Variants in PCNT observed in about 807,000 individuals in gnomAD.
PCNT encodes the protein kendrin.
Under a neutral mutation model 380.4 loss-of-function variants are expected in PCNT, and 319 were observed. The ratio of observed to expected loss-of-function variants is 0.84; its 90% CI spans 0.77 to 0.92. PCNT has a LOEUF of 0.92. Among genes scored for constraint, PCNT ranks in the 40% least tolerant of loss-of-function variants. The pLI, the probability that PCNT is intolerant of heterozygous loss-of-function variation, is 0.00. For missense variants in PCNT, 4,400 were observed against 4,255.3 expected (o/e 1.03, Z -0.95); for synonymous variants, 1,845 against 1,735.2 (o/e 1.06, Z -1.57).
At chr21:46,325,022 G>T in intron 1 of PCNT, 3 of 985,426 alleles carry the variant, frequency 3.0e-6, no homozygotes, top group Non-Finnish European at 3.6e-6. Context: ...GCTGGCGCCG[G>T]GCGCCTTCAA....
chr21:46,403,141 G>C (rs1050652799), intron 27 of PCNT, among the ~76,000 whole-genome samples: 1 of 151,810 alleles, frequency 6.6e-6, no homozygotes, highest in South Asian at 2.1e-4. Flanking sequence ...TGAACACAGC[G>C]TGGGAGAATT....
In PCNT at chr21:46,397,511, A is replaced by G; in HGVS notation, c.4446+17A>G. 1 of 1,601,466 alleles carries G rather than the reference A, an allele frequency of 6.2e-7. No individual in the cohort carries two copies. Among genetic ancestry groups the G allele is most frequent in the South Asian group, 1.1e-5 (1 of 90,856 alleles). On this transcript the variant is annotated intron_variant, in intron 22 of 46. Coordinates refer to ENST00000359568, the MANE Select transcript of PCNT (RefSeq NM_006031.6). ...TTCATGGATGTAAGAATTCTGAATA[A>G]TACATTTTTTTGCATCACTAAAAGT...
At position 46,385,923 on chromosome 21, in the gene PCNT, G is replaced by C. The variant is rs146287555; in HGVS notation, c.3404G>C (p.Arg1135Pro). ...VLQQRREREN[R>P]EGANLLSMLK... ...CAGCAGAGGCGGGAGCGGGAGAACCGGGAAGGCGCAAACCTCCTCTCCATG... is the reference window on the plus strand; with the variant it reads ...CAGCAGAGGCGGGAGCGGGAGAACCCGGAAGGCGCAAACCTCCTCTCCATG... The change falls in exon 17 of 47, where the codon CGG becomes CCG. Residue 1135 changes from arginine to proline, a missense_variant. Transcript: ENST00000359568. 10 of 1,614,180 alleles carry C rather than the reference G, an allele frequency of 6.2e-6. No homozygotes were observed. The highest frequency in any genetic ancestry group is 7.6e-6 in the Non-Finnish European group (9 of 1,180,026).
chr21:46,386,840 C>A (rs796849546), intron 17 of PCNT, among the ~76,000 whole-genome samples: 38 of 152,330 alleles, frequency 2.5e-4, no homozygotes, highest in African/African-American at 8.7e-4. Flanking sequence ...TGTTGCCAAA[C>A]GCAGCCTCCC....
At chr21:46,403,641 A>C (rs371406353) in intron 27 of PCNT, among the ~76,000 whole-genome samples, 3 of 68,100 alleles carry the variant, frequency 4.4e-5, no homozygotes, top group African/African-American at 1.7e-4. Flanking sequence ...CACGTGGCAC[A>C]TGCTCGGTGA....
chr21:46,339,589 G>A (rs550854858), intron 3 of PCNT, among the ~76,000 whole-genome samples: 1 of 152,260 alleles, frequency 6.6e-6, no homozygotes, highest in African/African-American at 2.4e-5. Flanking sequence ...AAAGATGGAG[G>A]CCAGAGGGCT....
At chr21:46,362,431 T>G (rs1394069114) in intron 13 of PCNT, among the ~76,000 whole-genome samples, 1 of 152,192 alleles carries the variant, frequency 6.6e-6, no homozygotes, top group Non-Finnish European at 1.5e-5. Flanking sequence ...CTCCACAGCC[T>G]TCAGGTTTTT....
At chr21:46,344,873 G>A (rs185079748) in intron 3 of PCNT, among the ~76,000 whole-genome samples, 45 of 152,344 alleles carry the variant, frequency 3.0e-4, no homozygotes, top group South Asian at 6.2e-4. Context: ...TCTGTGGCTC[G>A]ACCTGTGTTG....
At chr21:46,348,542 T>G (rs2084156364) in intron 6 of PCNT, among the ~76,000 whole-genome samples, 1 of 152,212 alleles carries the variant, frequency 6.6e-6, no homozygotes, top group Admixed American at 6.5e-5. Flanking sequence ...TCTGCTTTTC[T>G]GTCCTGCCAG....
chr21:46,377,681 A>G (rs2085372205), intron 15 of PCNT, among the ~76,000 whole-genome samples: 1 of 152,090 alleles, frequency 6.6e-6, no homozygotes, highest in South Asian at 2.1e-4. Context: ...AAATAAAAAA[A>G]TACTAAAAAT....
intron 16 of PCNT, among the ~76,000 whole-genome samples, chr21:46,384,274 G>T (rs568738986): frequency 2.1e-5 from 3 of 146,304 alleles, no homozygotes; most frequent in African/African-American, 7.5e-5. Context: ...ATTCAGTGGC[G>T]GAAGCGCATT....
chr21:46,397,402 G>C lies in PCNT; in HGVS notation c.4354G>C (p.Gly1452Arg). Reference protein sequence around the residue: ...ELEEQLSQHRGCAKQAEAVTA... With the variant: ...ELEEQLSQHRRCAKQAEAVTA... ...AGAAGAACAGCTGTCTCAGCATCGC[G>C]GGTGTGCCAAGCAGGCGGAGGCCGT... The change falls in exon 22 of 47, where the codon GGG becomes CGG. Residue 1452 changes from glycine (G) to arginine (R), a missense_variant. Physicochemically the swap from Gly to Arg is moderately radical, Grantham distance 125 (BLOSUM62 -2). Transcript: ENST00000359568. 1 of 1,614,180 alleles carries C rather than the reference G, an allele frequency of 6.2e-7. No homozygotes were observed. The highest frequency in any genetic ancestry group is 1.1e-5 in the South Asian group (1 of 91,080).
intron 10 of PCNT, among the ~76,000 whole-genome samples, chr21:46,353,751 T>TGAGAGA (rs1555954604): frequency 9.6e-6 from 1 of 104,316 alleles, no homozygotes; most frequent in African/African-American, 3.6e-5. Flanking sequence ...TGTGTGTGTG[T>TGAGAGA]GAGAGAGACA....
At chr21:46,368,308 G>T (rs766147755) in intron 15 of PCNT, among the ~76,000 whole-genome samples, 5 of 152,094 alleles carry the variant, frequency 3.3e-5, no homozygotes, top group Non-Finnish European at 5.9e-5. Context: ...ATTAGCTGGG[G>T]GTGGTGGCGG....
chr21:46,435,962 C>T lies in PCNT; in HGVS notation c.8810C>T (p.Thr2937Ile), dbSNP rs372282731. Reference protein sequence around the residue: ...DLHKIKQLQQTVRDLESKDEV... With the variant: ...DLHKIKQLQQIVRDLESKDEV... The stretch of plus-strand genomic sequence containing the variant: ...CATAAGATCAAGCAGCTTCAGCAGA[C>T]AGTGAGAGACCTGGAGTCGAAGGAC... The change falls in exon 39 of 47, where the codon ACA (threonine) becomes ATA (isoleucine). Residue 2937 changes from threonine to isoleucine, a missense_variant. Transcript: ENST00000359568. 36 of 1,614,064 alleles carry T rather than the reference C, an allele frequency of 2.2e-5. No individual in the cohort carries two copies. Among genetic ancestry groups the T allele is most frequent in the Non-Finnish European group, 2.8e-5 (33 of 1,179,990 alleles).
In PCNT at chr21:46,359,491, G is replaced by GTTTTTTTTTT. The variant is rs1219693835; in HGVS notation, c.2154+2307_2154+2316dup. Among the ~76,000 whole-genome samples the GTTTTTTTTTT allele has an allele frequency of 1.6e-3, 104 of 65,948 alleles. 1 individual carries two copies. Among genetic ancestry groups the GTTTTTTTTTT allele is most frequent in the East Asian group, 2.8e-3 (5 of 1,786 alleles). 43.3% of individuals were successfully genotyped at this position (65,948 alleles called of 152,430 possible). ...CCAAAAATACACCTGTTTTTTTTTT[G>GTTTTTTTTTT]TTTTTTTTTTTTTTTTGAGACAGTG... On this transcript the variant is annotated intron_variant, in intron 13 of 46. Coordinates refer to ENST00000359568, the MANE Select transcript of PCNT (RefSeq NM_006031.6).
chr21:46,347,142 C>A, intron 5 of PCNT, 144 bp downstream of exon 5: 1 of 1,084,444 alleles, frequency 9.2e-7, no homozygotes, highest in Non-Finnish European at 1.3e-6. Flanking sequence ...GTGTCTGGCA[C>A]CATGAGAGGG....
At chr21:46,399,453 T>A (rs2086347956) in intron 24 of PCNT, 137 bp from the exon 25 acceptor site, 3 of 705,382 alleles carry the variant, frequency 4.3e-6, no homozygotes, top group Non-Finnish European at 5.1e-6. Flanking sequence ...AGCCTGTGAG[T>A]CTAGGTCTCC....
intron 6 of PCNT, chr21:46,348,346 G>C (rs966323053): frequency 9.5e-5 from 16 of 168,390 alleles, no homozygotes; most frequent in Non-Finnish European, 1.1e-4. Context: ...CTCTCGCTTT[G>C]TGCAGATGCA....
Sources: gnomAD v4.1 joint callset for allele counts (sites outside exome capture counted in the v4.1 genomes callset) on GRCh38, gnomAD v4.1.1 for gene constraint, MANE v1.5 for transcripts, NCBI Gene and HGNC (gene_info 2026-07-23, HGNC 2026-07-21) for gene names.